The following AKAP6 variants were observed in gnomAD, a reference collection of about 807,000 sequenced individuals.
AKAP6 encodes A-kinase anchor protein 6.
AKAP6 carries 58 observed loss-of-function variants against 188.5 expected under a neutral mutation model. That is an observed-to-expected ratio of 0.31 (90% confidence interval 0.25 to 0.38). The LOEUF is 0.38. Ranked by LOEUF, AKAP6 falls within the 10% of genes least tolerant of loss-of-function variation. The probability of loss-of-function intolerance (pLI) is 1.00; values close to 1 mark genes in which losing one functional copy is unlikely to be tolerated. For synonymous variants in AKAP6, 989 were observed against 998.6 expected, an observed-to-expected ratio of 0.99 and a Z score of 0.18; for missense variants, 2,710 against 2,740.0, an observed-to-expected ratio of 0.99 and a Z score of 0.24.
intron 11 of AKAP6, among the ~76,000 whole-genome samples, chr14:32,739,199 CT>C (rs36109997): frequency 0.35 from 52,745 of 151,716 alleles, 10,105 homozygotes; most frequent in South Asian, 0.57. Flanking sequence ...ATAGTATGAT[CT>C]GCTATTTATA....
chr14:32,632,222 C>T (rs1887303880), intron 7 of AKAP6, among the ~76,000 whole-genome samples: 1 of 151,998 alleles, frequency 6.6e-6, no homozygotes, highest in African/African-American at 2.4e-5. Context: ...ATGTGAAAAA[C>T]ATATGTCGAA....
chr14:32,588,208 A>G (rs1885335755), intron 5 of AKAP6, among the ~76,000 whole-genome samples: 1 of 152,240 alleles, frequency 6.6e-6, no homozygotes, highest in African/African-American at 2.4e-5. Flanking sequence ...CTGTTCAACA[A>G]CTGGCTTTTT....
At chr14:32,521,211 T>C (rs1181282452) in intron 2 of AKAP6, among the ~76,000 whole-genome samples, 8 of 152,104 alleles carry the variant, frequency 5.3e-5, no homozygotes, top group Non-Finnish European at 1.0e-4. Context: ...CTATTTATGA[T>C]AAACTCACAG....
intron 12 of AKAP6, among the ~76,000 whole-genome samples, chr14:32,803,062 C>G (rs2033992652): frequency 6.6e-6 from 1 of 152,162 alleles, no homozygotes; most frequent in Admixed American, 6.5e-5. Flanking sequence ...TGCACTCCAG[C>G]CTGGGCAACA....
intron 7 of AKAP6, among the ~76,000 whole-genome samples, chr14:32,611,975 T>G (rs1886367887): frequency 6.6e-6 from 1 of 152,088 alleles, no homozygotes; most frequent in African/African-American, 2.4e-5. Context: ...GAATTTAGAA[T>G]GAAGACAAAC....
chr14:32,785,077 C>T (rs1342946911), intron 12 of AKAP6, among the ~76,000 whole-genome samples: 1 of 151,994 alleles, frequency 6.6e-6, no homozygotes, highest in Non-Finnish European at 1.5e-5. Context: ...GATCTGCAGA[C>T]TCAAGTTAGA....
At chr14:32,600,904 T>C in intron 7 of AKAP6, 112 bp downstream of exon 7, 1 of 982,442 alleles carries the variant, frequency 1.0e-6, no homozygotes, top group Non-Finnish European at 1.4e-6. Context: ...CTGGGTAAAC[T>C]TTATATCTCT....
chr14:32,432,460 T>C (rs577365068), intron 1 of AKAP6, among the ~76,000 whole-genome samples: 2 of 152,356 alleles, frequency 1.3e-5, no homozygotes, highest in South Asian at 2.1e-4. Context: ...TTACTGTTTA[T>C]GTATTTCAGA....
rs2034622460 is a variant in AKAP6, at chr14:32,824,421, T to G, written c.6608T>G (p.Leu2203Arg). The G allele has an allele frequency of 6.2e-7, 1 of 1,613,928 alleles. No homozygotes were observed. Among genetic ancestry groups the G allele is most frequent in the African/African-American group, 1.3e-5 (1 of 75,028 alleles). The part of the protein sequence containing the change: ...ACSSEFSDSS[L>R]SADDADTVAL... ...TCTTCTGAGTTCAGTGATAGTTCTC[T>G]TTCAGCTGATGATGCAGATACAGTG... is the stretch of plus-strand genomic sequence containing the variant. The change falls in exon 13 of 14, where the codon CTT (leucine) becomes CGT (arginine). Residue 2203 changes from leucine to arginine, a missense_variant. Physicochemically the swap from Leu to Arg is moderately radical, Grantham distance 102. Coordinates refer to ENST00000280979, the MANE Select transcript of AKAP6 (RefSeq NM_004274.5).
intron 5 of AKAP6, among the ~76,000 whole-genome samples, chr14:32,591,314 G>C (rs1484945295): frequency 1.3e-5 from 2 of 152,128 alleles, no homozygotes; most frequent in Non-Finnish European, 2.9e-5. Flanking sequence ...CCTGTGTCAG[G>C]TGTGGAGATG....
intron 7 of AKAP6, among the ~76,000 whole-genome samples, chr14:32,612,219 ATTTCTG>A (rs1372565621): frequency 2.0e-5 from 3 of 152,124 alleles, no homozygotes; most frequent in African/African-American, 7.2e-5. Flanking sequence ...GTGGTTTTGA[ATTTCTG>A]TTTATATCTT....
At chr14:32,641,033 A>G (rs189979645) in intron 7 of AKAP6, among the ~76,000 whole-genome samples, 5 of 152,190 alleles carry the variant, frequency 3.3e-5, no homozygotes, top group African/African-American at 1.2e-4. Flanking sequence ...CTTTCAAGGC[A>G]CATCATGGAT....
intron 7 of AKAP6, among the ~76,000 whole-genome samples, chr14:32,662,959 T>C (rs1214886453): frequency 6.6e-6 from 1 of 152,134 alleles, no homozygotes; most frequent in Non-Finnish European, 1.5e-5. Context: ...AAAAAGTAAG[T>C]GAAATGCTTT....
intron 7 of AKAP6, among the ~76,000 whole-genome samples, chr14:32,639,214 C>T (rs990697517): frequency 2.0e-5 from 3 of 152,038 alleles, no homozygotes; most frequent in African/African-American, 7.2e-5. Context: ...GAAGTATCTG[C>T]GTTGTTTTTG....
intron 1 of AKAP6, among the ~76,000 whole-genome samples, chr14:32,398,628 G>C (rs1594576479): frequency 6.6e-6 from 1 of 151,996 alleles, no homozygotes. Flanking sequence ...GAAGGAGAGG[G>C]GACAGTCTCT....
chr14:32,816,585 T>A (rs2034384326), intron 12 of AKAP6, among the ~76,000 whole-genome samples: 1 of 152,118 alleles, frequency 6.6e-6, no homozygotes, highest in Non-Finnish European at 1.5e-5. Flanking sequence ...TTGGTTTAGG[T>A]TCAGGGTTAC....
chr14:32,646,225 T>C (rs1887981447), intron 7 of AKAP6, among the ~76,000 whole-genome samples: 1 of 152,106 alleles, frequency 6.6e-6, no homozygotes, highest in Admixed American at 6.6e-5. Context: ...AGGTCAGTTG[T>C]GTATCTGAGA....
At chr14:32,498,755 G>T (rs766686846) in intron 2 of AKAP6, among the ~76,000 whole-genome samples, 17 of 152,142 alleles carry the variant, frequency 1.1e-4, no homozygotes, top group African/African-American at 3.9e-4. Flanking sequence ...TGGCAGAGGG[G>T]TAAGTGGGCG....
At position 32,821,843 on chromosome 14, in the gene AKAP6, A is replaced by G; in HGVS notation, c.4030A>G (p.Asn1344Asp). 6.2e-7 allele frequency: 1 copy of G among 1,613,894 alleles called. No homozygotes were observed. Among genetic ancestry groups the G allele is most frequent in the East Asian group, 2.2e-5 (1 of 44,866 alleles). ...TTTGCCAGATCTTCTAGGTGGTTCCAATTTGGTAAAGCCCTGCGCATGTCA... is the reference window on the plus strand; with the variant it reads ...TTTGCCAGATCTTCTAGGTGGTTCCGATTTGGTAAAGCCCTGCGCATGTCA... Reference protein sequence around the residue: ...KSLPDLLGGSNLVKPCACHGG... With the variant: ...KSLPDLLGGSDLVKPCACHGG... Residue 1344 changes from asparagine (N) to aspartate (D), a missense_variant, in exon 13 of 14, where the codon AAT (asparagine) becomes GAT (aspartate). Asn to Asp is a conservative substitution (Grantham distance 23). Transcript: ENST00000280979.
Sources: allele counts gnomAD v4.1 joint callset (sites outside exome capture counted in the v4.1 genomes callset), GRCh38; gene constraint gnomAD v4.1.1; transcripts MANE v1.5; gene names NCBI Gene and HGNC (gene_info 2026-07-23, HGNC 2026-07-21).